Variants in GNL3L observed in about 807,000 individuals in gnomAD.
GNL3L encodes G protein nucleolar 3 like, also known as guanine nucleotide-binding protein-like 3-like protein.
Under a neutral mutation model 42.9 loss-of-function variants are expected in GNL3L, and 4 were observed. That is an observed-to-expected ratio of 0.09 (90% CI 0.05 to 0.21). GNL3L has a LOEUF of 0.21. GNL3L is among the 10% of genes least tolerant of loss of function. The pLI, the probability that GNL3L is intolerant of heterozygous loss-of-function variation, is 1.00. For synonymous variants in GNL3L, 159 were observed against 176.3 expected, an observed-to-expected ratio of 0.90 and a Z score of 0.78; for missense variants, 412 against 481.7, an observed-to-expected ratio of 0.86 and a Z score of 1.36.
intron 16 of GNL3L, among the ~76,000 whole-genome samples, chrX:54,584,966 A>G (rs1424907425): frequency 1.8e-5 from 2 of 111,482 alleles, no homozygotes; most frequent in Non-Finnish European, 3.8e-5. Flanking sequence ...ATGTATTTTT[A>G]GTAGAGACGG....
At chrX:54,540,880 C>G (rs1176789059) in intron 4 of GNL3L, among the ~76,000 whole-genome samples, 1 of 110,994 alleles carries the variant, frequency 9.0e-6, no homozygotes, top group East Asian at 2.9e-4. Context: ...TGGTCTTGAA[C>G]TCCTGACCTC....
At chrX:54,610,716 T>G (rs1016526456) in intron 16 of GNL3L, among the ~76,000 whole-genome samples, 28 of 112,047 alleles carry the variant, frequency 2.5e-4, no homozygotes, top group African/African-American at 9.1e-4. Flanking sequence ...TCATGCTGGA[T>G]TATCTTTTTG....
intron 16 of GNL3L, among the ~76,000 whole-genome samples, chrX:54,607,074 C>T (rs868237322): frequency 0.018 from 396 of 22,134 alleles, 22 homozygotes; most frequent in African/African-American, 0.091. Context: ...CTTTCTTTCT[C>T]TTTCTTTCTT....
chrX:54,559,660 A>T (rs918193211), intron 15 of GNL3L, among the ~76,000 whole-genome samples: 2 of 111,697 alleles, frequency 1.8e-5, no homozygotes, highest in African/African-American at 6.5e-5. Context: ...TCACTAACTC[A>T]TTGCAAAAGT....
chrX:54,582,536 C>T (rs1462102359), intron 16 of GNL3L, among the ~76,000 whole-genome samples: 1 of 112,020 alleles, frequency 8.9e-6, no homozygotes, highest in Non-Finnish European at 1.9e-5. Context: ...TTATTTTAGC[C>T]ATTCTGTTCG....
At chrX:54,603,336 A>G (rs1223199115) in intron 16 of GNL3L, among the ~76,000 whole-genome samples, 4 of 112,102 alleles carry the variant, frequency 3.6e-5, no homozygotes, top group African/African-American at 6.5e-5. Flanking sequence ...TTAGTATAGA[A>G]GAAATAATAT....
Position 54,589,613 on chromosome X carries a change from A to G in GNL3L, c.*45+28966A>G, listed in dbSNP as rs5915141. Among the ~76,000 whole-genome samples, 928 of 111,896 alleles carry G rather than the reference A, an allele frequency of 8.3e-3. 5 individuals are homozygous for G. The highest frequency in any genetic ancestry group is 0.041 in the Middle Eastern group (9 of 217). ...GAATAGTACTCCATTTTGTATGTGT[A>G]CCACATTTTCTTTATCCATTCATCT... On this transcript the variant is annotated intron_variant, in intron 16 of 16. Transcript: ENST00000674498.
At chrX:54,582,555 T>C (rs1012571977) in intron 16 of GNL3L, among the ~76,000 whole-genome samples, 11 of 112,148 alleles carry the variant, frequency 9.8e-5, no homozygotes, top group Admixed American at 7.6e-4. Context: ...CGATGTGTAG[T>C]GATACTTCAT....
chrX:54,541,208 C>A, intron 4 of GNL3L, 65 bp from the exon 5 acceptor site: 1 of 740,016 alleles, frequency 1.4e-6, no homozygotes, highest in Non-Finnish European at 2.1e-6. Flanking sequence ...CTCTGTCTGT[C>A]ACCCATCCCT....
At chrX:54,620,347 T>A (rs1212981494) in intron 16 of GNL3L, among the ~76,000 whole-genome samples, 5 of 111,588 alleles carry the variant, frequency 4.5e-5, no homozygotes, top group Admixed American at 1.9e-4. Flanking sequence ...TGGGTTCAGT[T>A]GTTTTAATTT....
intron 16 of GNL3L, among the ~76,000 whole-genome samples, chrX:54,606,996 C>CTTTCCT (rs1926072112): frequency 5.6e-5 from 1 of 17,772 alleles, no homozygotes; most frequent in East Asian, 1.5e-3. Flanking sequence ...CTTTCCTTTC[C>CTTTCCT]TTTCTTTCTT....
intron 16 of GNL3L, among the ~76,000 whole-genome samples, chrX:54,613,751 T>C (rs920087725): frequency 9.0e-6 from 1 of 111,247 alleles, no homozygotes; most frequent in Admixed American, 9.5e-5. Context: ...AGTCATATCA[T>C]GTGAACATGA....
At chrX:54,535,081 A>C (rs1924378121) in intron 2 of GNL3L, among the ~76,000 whole-genome samples, 1 of 111,961 alleles carries the variant, frequency 8.9e-6, no homozygotes, top group Non-Finnish European at 1.9e-5. Context: ...ATTTGTTATG[A>C]GACGTTTATG....
At chrX:54,601,728 C>G (rs747483701) in intron 16 of GNL3L, among the ~76,000 whole-genome samples, 1 of 111,722 alleles carries the variant, frequency 9.0e-6, no homozygotes, top group African/African-American at 3.2e-5. Flanking sequence ...CTATTAACCC[C>G]AAAACTGCCG....
chrX:54,594,305 T>TA (rs1250114022), intron 16 of GNL3L, among the ~76,000 whole-genome samples: 2 of 111,517 alleles, frequency 1.8e-5, no homozygotes, highest in African/African-American at 6.5e-5. Context: ...TGCCTATATA[T>TA]TTAAAATTGT....
chrX:54,568,575 G>A (rs1397117366), downstream of GNL3L, among the ~76,000 whole-genome samples: 4 of 103,422 alleles, frequency 3.9e-5, no homozygotes, highest in East Asian at 3.0e-4. Context: ...TTTTTGAGAC[G>A]GAGTCTCACA....
downstream of GNL3L, among the ~76,000 whole-genome samples, chrX:54,625,924 T>C (rs1447896648): frequency 9.0e-6 from 1 of 111,211 alleles, no homozygotes; most frequent in Non-Finnish European, 1.9e-5. Flanking sequence ...AGGTAATAAT[T>C]ATACATATTT....
intron 16 of GNL3L, among the ~76,000 whole-genome samples, chrX:54,619,002 T>G (rs1438987302): frequency 8.9e-6 from 1 of 111,851 alleles, no homozygotes; most frequent in Non-Finnish European, 1.9e-5. Context: ...CCAGATTTGC[T>G]AAAACCTAGG....
chrX:54,564,280 G>A lies in GNL3L; in HGVS notation c.*3678G>A, dbSNP rs181338339. Reference sequence around the variant, plus strand: ...TGTGTAGAGTTGTGTAACCACCAATGCAACCAAGGTACAGAACAGTCCTCT... The same window carrying A: ...TGTGTAGAGTTGTGTAACCACCAATACAACCAAGGTACAGAACAGTCCTCT... On this transcript the variant is annotated 3_prime_UTR_variant, in exon 16 of 16. Coordinates refer to ENST00000360845, the MANE Select transcript of GNL3L (RefSeq NM_001184819.2). Among the ~76,000 whole-genome samples the A allele has an allele frequency of 8.1e-3, 896 of 110,653 alleles. 14 individuals are homozygous for A. The highest frequency in any genetic ancestry group is 0.028 in the African/African-American group (852 of 30,368).
Sources: allele counts gnomAD v4.1 joint callset (sites outside exome capture counted in the v4.1 genomes callset), GRCh38; gene constraint gnomAD v4.1.1; transcripts MANE v1.5; gene names NCBI Gene and HGNC (gene_info 2026-07-23, HGNC 2026-07-21).